The following DCDC2 variants were observed in gnomAD, a reference collection of about 807,000 sequenced individuals.
DCDC2 encodes the protein doublecortin domain containing 2.
DCDC2 carries 40 observed loss-of-function variants against 50.2 expected under a neutral mutation model. The observed-to-expected ratio is 0.80, with a 90% CI of 0.62 to 1.04. DCDC2 has a LOEUF of 1.04. Ranked by LOEUF, DCDC2 falls within the 50% of genes least tolerant of loss-of-function variation. DCDC2 has a pLI of 0.00. For missense variants in DCDC2, 570 were observed against 581.9 expected, an observed-to-expected ratio of 0.98 and a Z score of 0.21; for synonymous variants, 234 against 210.6, an observed-to-expected ratio of 1.11 and a Z score of -0.96.
chr6:24,212,978 T>C (rs1761903056), intron 7 of DCDC2, among the ~76,000 whole-genome samples: 1 of 152,190 alleles, frequency 6.6e-6, no homozygotes, highest in South Asian at 2.1e-4. Flanking sequence ...AATGAAAGCA[T>C]TTCCTTGTTT....
chr6:24,338,607 A>G (rs943391980), intron 2 of DCDC2, among the ~76,000 whole-genome samples: 1 of 152,162 alleles, frequency 6.6e-6, no homozygotes, highest in Admixed American at 6.5e-5. Flanking sequence ...TCATTGTGTC[A>G]ATTCCCTGAT....
At chr6:24,295,336 C>T (rs187061256) in intron 4 of DCDC2, among the ~76,000 whole-genome samples, 4 of 152,278 alleles carry the variant, frequency 2.6e-5, no homozygotes, top group African/African-American at 9.6e-5. Flanking sequence ...TAAGAGCCAT[C>T]TATGAGAAAC....
intron 2 of DCDC2, among the ~76,000 whole-genome samples, chr6:24,346,320 G>A (rs1291580064): frequency 1.3e-5 from 2 of 152,182 alleles, no homozygotes; most frequent in Non-Finnish European, 2.9e-5. Context: ...TCACCAAGAA[G>A]CATGGCCACA....
chr6:24,366,202 C>G, the DCDC2 span, among the ~76,000 whole-genome samples: 3 of 152,142 alleles, frequency 2.0e-5, no homozygotes, highest in African/African-American at 4.8e-5. Context: ...AAACATTAAA[C>G]TTTATTTTAT....
At chr6:24,317,221 C>T (rs893719801) in intron 2 of DCDC2, among the ~76,000 whole-genome samples, 4 of 151,956 alleles carry the variant, frequency 2.6e-5, no homozygotes, top group African/African-American at 9.7e-5. Flanking sequence ...TTCTAAACTA[C>T]AATTTTGATA....
intron 1 of DCDC2, chr6:24,357,156 A>C (rs1369341619): frequency 3.7e-6 from 1 of 268,718 alleles, no homozygotes; most frequent in Non-Finnish European, 6.9e-6. Flanking sequence ...AGAAAACGCA[A>C]AAGTATCAGT....
rs777378768 is a variant in DCDC2, at chr6:24,301,775, C to T, written c.497G>A (p.Trp166Ter). Residue 166 changes from tryptophan (W) to a stop codon, truncating the protein, a stop_gained, in exon 4 of 10, where the codon TGG becomes TAG. Transcript: ENST00000378454. LOFTEE classifies it high-confidence loss of function. ...TGTGACCATTTGTAGTACATGATCC[C>T]ACTGATTCAAGGTTTTTCTGGGGAT... is the stretch of plus-strand genomic sequence containing the variant. ...LLIPRKTLNQ[W>*]DHVLQMVTEK... 1 of 1,614,138 alleles carries T rather than the reference C, an allele frequency of 6.2e-7. No individual in the cohort carries two copies. Among genetic ancestry groups the T allele is most frequent in the South Asian group, 1.1e-5 (1 of 91,066 alleles).
intron 7 of DCDC2, among the ~76,000 whole-genome samples, chr6:24,219,419 C>T (rs897492432): frequency 6.6e-6 from 1 of 152,194 alleles, no homozygotes; most frequent in Non-Finnish European, 1.5e-5. Flanking sequence ...TTCAAGTTCA[C>T]AGGCAGCAAG....
chr6:24,211,772 C>T (rs1005990972), intron 7 of DCDC2, among the ~76,000 whole-genome samples: 2 of 152,200 alleles, frequency 1.3e-5, no homozygotes. Context: ...GACCTGATGA[C>T]AGCTTGGTTG....
rs1338714064 is a variant in DCDC2, at chr6:24,190,950, T to C, written c.1024-12318A>G. On this transcript the variant is annotated intron_variant, in intron 8 of 9. Coordinates refer to ENST00000378454, the MANE Select transcript of DCDC2 (RefSeq NM_016356.5). ...GCCCCTCATCTTCTCACTTCTCTTCTTTAAGATGTACAGGGAGAGGACCAA... is the reference window on the plus strand; with the variant it reads ...GCCCCTCATCTTCTCACTTCTCTTCCTTAAGATGTACAGGGAGAGGACCAA... Among the ~76,000 whole-genome samples the C allele has an allele frequency of 5.3e-5, 8 of 152,308 alleles. No homozygotes were observed. In the East Asian group the frequency reaches 1.5e-3, roughly 29 times the overall value.
At chr6:24,232,560 T>A (rs1356911901) in intron 7 of DCDC2, among the ~76,000 whole-genome samples, 2 of 152,222 alleles carry the variant, frequency 1.3e-5, no homozygotes, top group African/African-American at 4.8e-5. Flanking sequence ...CATTTTACAA[T>A]TGAGAACAGA....
At chr6:24,372,278 G>C in the DCDC2 span, among the ~76,000 whole-genome samples, 1 of 152,152 alleles carries the variant, frequency 6.6e-6, no homozygotes, top group Non-Finnish European at 1.5e-5. Context: ...AAATTAGCCA[G>C]GCATGGTGCG....
At chr6:24,285,896 A>C (rs1763596296) in intron 6 of DCDC2, among the ~76,000 whole-genome samples, 1 of 152,196 alleles carries the variant, frequency 6.6e-6, no homozygotes, top group East Asian at 1.9e-4. Context: ...CGGTCTCTGT[A>C]ATCATTCCTC....
At chr6:24,272,507 A>T (rs552287506) in intron 7 of DCDC2, among the ~76,000 whole-genome samples, 11 of 152,230 alleles carry the variant, frequency 7.2e-5, no homozygotes, top group Non-Finnish European at 7.3e-5. Flanking sequence ...AACTCAAAGA[A>T]TTCAACAACA....
At chr6:24,318,273 G>A (rs1759708762) in intron 2 of DCDC2, among the ~76,000 whole-genome samples, 1 of 152,076 alleles carries the variant, frequency 6.6e-6, no homozygotes, top group Non-Finnish European at 1.5e-5. Context: ...ATAGGAGAGT[G>A]CTTAAATATA....
chr6:24,283,461 T>C (rs570617239), intron 6 of DCDC2, among the ~76,000 whole-genome samples: 105 of 152,058 alleles, frequency 6.9e-4, no homozygotes, highest in Non-Finnish European at 1.1e-3. Context: ...GCTCTACCAG[T>C]CCCTCATCCA....
intron 2 of DCDC2, among the ~76,000 whole-genome samples, chr6:24,308,455 T>A (rs1759513265): frequency 6.6e-6 from 1 of 152,176 alleles, no homozygotes; most frequent in Admixed American, 6.5e-5. Context: ...GGGGACATGC[T>A]TTTTCCTGGG....
chr6:24,188,953 G>A lies in DCDC2; in HGVS notation c.1024-10321C>T, dbSNP rs750027234. ...TTACACATATTAAAAATATATGTAC[G>A]ATTACAGACAATATGTACCCTTAAA... On this transcript the variant is annotated intron_variant, in intron 8 of 9. Coordinates refer to ENST00000378454, the MANE Select transcript of DCDC2 (RefSeq NM_016356.5). Among the ~76,000 whole-genome samples, 7 of 151,826 alleles carry A rather than the reference G, an allele frequency of 4.6e-5. No homozygotes were observed. The East Asian group carries it at 9.7e-4, about 21-fold the overall frequency.
chr6:24,301,676 T>C, intron 4 of DCDC2, 39 bp downstream of exon 4: 1 of 1,606,938 alleles, frequency 6.2e-7, no homozygotes, highest in Non-Finnish European at 8.5e-7. Context: ...TCTTCAACAA[T>C]TCAAAAACTC....
Sources: allele counts gnomAD v4.1 joint callset (sites outside exome capture counted in the v4.1 genomes callset), GRCh38; gene constraint gnomAD v4.1.1; transcripts MANE v1.5; gene names NCBI Gene and HGNC (gene_info 2026-07-23, HGNC 2026-07-21).